Variants in RANBP2 observed in about 807,000 individuals in gnomAD.
The protein encoded by RANBP2 is E3 SUMO-protein ligase RanBP2.
A neutral mutation model predicts 303.6 loss-of-function variants in RANBP2; 57 were observed. That is an observed-to-expected ratio of 0.19 (90% confidence interval 0.15 to 0.23). The LOEUF is 0.23. Among genes scored for constraint, RANBP2 ranks in the 10% least tolerant of loss-of-function variants. The probability of loss-of-function intolerance (pLI) is 1.00; values close to 1 mark genes in which losing one functional copy is unlikely to be tolerated. For missense variants in RANBP2, 3,138 were observed against 3,780.8 expected (o/e 0.83, Z 4.46); for synonymous variants, 1,167 against 1,301.5 (o/e 0.90, Z 2.23).
At chr2:109,521,443 C>T in the RANBP2 span, among the ~76,000 whole-genome samples, 16 of 152,224 alleles carry the variant, frequency 1.1e-4, no homozygotes, top group East Asian at 2.5e-3. Context: ...GTAGCACCAC[C>T]GAGCTGGGGC....
At chr2:108,798,371 A>G in the RANBP2 span, 3 of 1,566,782 alleles carry the variant, frequency 1.9e-6, no homozygotes, top group East Asian at 6.7e-5. Context: ...CAATAGGAAT[A>G]TAATTTGCAG....
the RANBP2 span, among the ~76,000 whole-genome samples, chr2:108,905,714 A>C: frequency 6.6e-6 from 1 of 152,142 alleles, no homozygotes; most frequent in Non-Finnish European, 1.5e-5. Flanking sequence ...GGTAATTTAG[A>C]AAGTGGATTT....
the RANBP2 span, chr2:108,910,412 G>T: frequency 6.7e-7 from 1 of 1,494,794 alleles, no homozygotes; most frequent in Non-Finnish European, 9.3e-7. Flanking sequence ...CCCTGCTCAG[G>T]ATCCACAGGA....
chr2:109,794,742 C>T, the RANBP2 span: 1 of 447,452 alleles, frequency 2.2e-6, no homozygotes, highest in Non-Finnish European at 2.6e-6. Flanking sequence ...CTTGCAAGCG[C>T]AGGAAGAGTC....
At chr2:109,414,539 A>G in the RANBP2 span, among the ~76,000 whole-genome samples, 1 of 152,198 alleles carries the variant, frequency 6.6e-6, no homozygotes, top group Non-Finnish European at 1.5e-5. Flanking sequence ...CATCTTGGCT[A>G]CGGTCACAAA....
chr2:108,748,005 G>A (rs1168235613), intron 8 of RANBP2, among the ~76,000 whole-genome samples: 1 of 152,046 alleles, frequency 6.6e-6, no homozygotes, highest in Non-Finnish European at 1.5e-5. Context: ...TGTCTCTGTA[G>A]GTTTGCCTCT....
chr2:109,112,188 G>C, the RANBP2 span, among the ~76,000 whole-genome samples: 7 of 151,840 alleles, frequency 4.6e-5, no homozygotes, highest in Non-Finnish European at 1.0e-4. Flanking sequence ...TCTAGTTCTA[G>C]ATCCCTGAGG....
At position 108,770,737 on chromosome 2, in the gene RANBP2, T is replaced by C. The variant is rs560531948; in HGVS notation, c.7850-964T>C. Among the ~76,000 whole-genome samples the C allele has an allele frequency of 1.7e-4, 26 of 152,362 alleles. No individual in the cohort carries two copies. The South Asian group carries it at 5.2e-3, about 30-fold the overall frequency. ...TTATTGATAGATTTGATTTAACTTA[T>C]GTCCAAAATATCATTTTAACTTCTA... On this transcript the variant is annotated intron_variant, in intron 20 of 28. Coordinates refer to ENST00000283195, the MANE Select transcript of RANBP2 (RefSeq NM_006267.5).
the RANBP2 span, among the ~76,000 whole-genome samples, chr2:109,680,111 T>G: frequency 6.0e-5 from 9 of 150,702 alleles, no homozygotes; most frequent in African/African-American, 2.2e-4. Flanking sequence ...TTTGGGAGGC[T>G]GAGGCAGGCA....
At chr2:109,494,369 C>T in the RANBP2 span, among the ~76,000 whole-genome samples, 1 of 152,192 alleles carries the variant, frequency 6.6e-6, no homozygotes, top group Non-Finnish European at 1.5e-5. Context: ...TGAAACCAAA[C>T]TGCTCATGAG....
chr2:109,186,379 C>A, the RANBP2 span, among the ~76,000 whole-genome samples: 4 of 152,336 alleles, frequency 2.6e-5, no homozygotes, highest in East Asian at 1.9e-4. Context: ...TGTGTGAGGT[C>A]ACATAGCATT....
chr2:108,810,191 T>C, the RANBP2 span, among the ~76,000 whole-genome samples: 1 of 152,120 alleles, frequency 6.6e-6, no homozygotes, highest in African/African-American at 2.4e-5. Flanking sequence ...TCAACAAGAG[T>C]GGTGAGAATG....
At chr2:109,296,221 C>CTATTATTATTATTATTATTATTAT in the RANBP2 span, among the ~76,000 whole-genome samples, 2 of 151,322 alleles carry the variant, frequency 1.3e-5, no homozygotes, top group African/African-American at 4.9e-5. Context: ...ACAGAATGAC[C>CTATTATTATTATTATTATTATTAT]TAGTATTATT....
At chr2:109,524,699 C>G in the RANBP2 span, among the ~76,000 whole-genome samples, 1 of 151,666 alleles carries the variant, frequency 6.6e-6, no homozygotes, top group Non-Finnish European at 1.5e-5. Context: ...GAGCTGAGAT[C>G]GCGCCACTGC....
the RANBP2 span, among the ~76,000 whole-genome samples, chr2:108,985,729 G>C: frequency 6.6e-6 from 1 of 152,218 alleles, no homozygotes; most frequent in East Asian, 1.9e-4. Flanking sequence ...TGCCCCCAGA[G>C]AGGGTAGCTT....
chr2:109,497,995 G>A, the RANBP2 span, among the ~76,000 whole-genome samples: 2 of 152,214 alleles, frequency 1.3e-5, no homozygotes, highest in East Asian at 1.9e-4. Flanking sequence ...CGCTGATCCT[G>A]TGGGCCCTCG....
chr2:109,367,087 G>A, the RANBP2 span, among the ~76,000 whole-genome samples: 1 of 150,192 alleles, frequency 6.7e-6, no homozygotes, highest in East Asian at 1.9e-4. Flanking sequence ...AGAGCAGCTA[G>A]GATTACAGGC....
chr2:108,964,531 T>G, the RANBP2 span, among the ~76,000 whole-genome samples: 7 of 151,986 alleles, frequency 4.6e-5, no homozygotes, highest in African/African-American at 1.7e-4. Flanking sequence ...CCCAACAAAC[T>G]CCAAAAGCCC....
the RANBP2 span, among the ~76,000 whole-genome samples, chr2:109,476,777 G>T: frequency 8.5e-4 from 130 of 152,312 alleles, no homozygotes; most frequent in Admixed American, 2.2e-3. Flanking sequence ...AGGGCTGCTG[G>T]TTGCCCTTTT....
Sources: allele counts gnomAD v4.1 joint callset (sites outside exome capture counted in the v4.1 genomes callset), GRCh38; gene constraint gnomAD v4.1.1; transcripts MANE v1.5; gene names NCBI Gene and HGNC (gene_info 2026-07-23, HGNC 2026-07-21).